ITPR1: variants seen among roughly 807,000 people sequenced by gnomAD.
ITPR1 encodes inositol 1,4,5-trisphosphate receptor type 1, also known as inositol 1,4,5-trisphosphate-gated calcium channel ITPR1.
A neutral mutation model predicts 318.4 loss-of-function variants in ITPR1; 96 were observed. That is an observed-to-expected ratio of 0.30 (90% confidence interval 0.26 to 0.36). ITPR1 has a LOEUF of 0.36. Ranked by LOEUF, ITPR1 falls within the 10% of genes least tolerant of loss-of-function variation. ITPR1 has a pLI of 1.00. For synonymous variants in ITPR1, 1,312 were observed against 1,289.9 expected (o/e 1.02, Z -0.37); for missense variants, 2,440 against 3,460.2 (o/e 0.71, Z 7.40).
At chr3:4,672,873 A>T (rs1405317887) in intron 20 of ITPR1, among the ~76,000 whole-genome samples, 1 of 152,210 alleles carries the variant, frequency 6.6e-6, no homozygotes, top group Non-Finnish European at 1.5e-5. Context: ...TTAGGTCGTC[A>T]CATAATTGCT....
chr3:4,723,471 GAATT>G lies in ITPR1; in HGVS notation c.5137-2068_5137-2065del, dbSNP rs746614606. 3.2e-4 allele frequency among the ~76,000 whole-genome samples: 49 copies of G among 152,162 alleles called. 1 individual carries two copies. The South Asian group carries it at 3.9e-3, about 12-fold the overall frequency. On this transcript the variant is annotated intron_variant, in intron 40 of 61. Transcript: ENST00000649015. ...AATTTAAATTTAATTTTTGTTTTAAGAATTAATTAAACTAATTTTAGAACAAGCA... is the reference window on the plus strand; with the variant it reads ...AATTTAAATTTAATTTTTGTTTTAAGAATTAAACTAATTTTAGAACAAGCA...
chr3:4,709,889 C>T (rs2041225145), intron 37 of ITPR1, among the ~76,000 whole-genome samples: 1 of 152,286 alleles, frequency 6.6e-6, no homozygotes, highest in Non-Finnish European at 1.5e-5. Flanking sequence ...TCCCACCACC[C>T]AGAGAAAACC....
intron 31 of ITPR1, among the ~76,000 whole-genome samples, chr3:4,689,872 A>G (rs192110876): frequency 5.8e-4 from 88 of 152,324 alleles, no homozygotes; most frequent in Non-Finnish European, 1.3e-4. Context: ...AGAGCATCCA[A>G]AGGGGAGGCA....
chr3:4,679,006 G>T (rs1307527987), intron 24 of ITPR1, among the ~76,000 whole-genome samples: 1 of 152,170 alleles, frequency 6.6e-6, no homozygotes, highest in Non-Finnish European at 1.5e-5. Flanking sequence ...GTGGTTAGGA[G>T]GCTGATTTGG....
intron 42 of ITPR1, among the ~76,000 whole-genome samples, chr3:4,730,451 T>C (rs2042849553): frequency 6.7e-6 from 1 of 150,240 alleles, no homozygotes; most frequent in Non-Finnish European, 1.5e-5. Context: ...TTCATGATAT[T>C]CTCTTATGGG....
At chr3:4,540,424 C>G (rs1009921585) in intron 4 of ITPR1, among the ~76,000 whole-genome samples, 4 of 152,234 alleles carry the variant, frequency 2.6e-5, no homozygotes, top group Non-Finnish European at 5.9e-5. Flanking sequence ...GAACTACTCT[C>G]TCTGACCATC....
intron 35 of ITPR1, among the ~76,000 whole-genome samples, chr3:4,701,082 G>A (rs1353226394): frequency 6.6e-6 from 1 of 152,192 alleles, no homozygotes; most frequent in Admixed American, 6.5e-5. Context: ...CAGATTGCCT[G>A]TTGCGTTTGG....
chr3:4,505,026 CCTGCTGGGTG>C (rs2081301797), intron 2 of ITPR1, among the ~76,000 whole-genome samples: 1 of 151,918 alleles, frequency 6.6e-6, no homozygotes, highest in Non-Finnish European at 1.5e-5. Flanking sequence ...GTTAACCTGC[CCTGCTGGGTG>C]CTGCTTGACC....
In ITPR1 at chr3:4,733,176, A is replaced by G. The variant is rs1412562454; in HGVS notation, c.5309A>G (p.Asn1770Ser). The G allele has an allele frequency of 9.3e-6, 15 of 1,614,038 alleles. No individual in the cohort carries two copies. The highest frequency in any genetic ancestry group is 1.1e-5 in the Non-Finnish European group (13 of 1,179,890). Reference protein sequence around the residue: ...GRRESLTSFGNGPLSAGGPGK... With the variant: ...GRRESLTSFGSGPLSAGGPGK... ...AGAGAGAGCCTTACCAGCTTTGGCAATGGCCCACTGTCAGCAGGAGGACCC... is the reference window on the plus strand; with the variant it reads ...AGAGAGAGCCTTACCAGCTTTGGCAGTGGCCCACTGTCAGCAGGAGGACCC... The change falls in exon 43 of 62, where the codon AAT (asparagine) becomes AGT (serine). Residue 1770 changes from asparagine to serine, a missense_variant. Physicochemically the swap from Asn to Ser is conservative, Grantham distance 46. Around this residue, in one of 23 missense-constraint regions of ITPR1, gnomAD observed 166 missense variants for 143.7 expected, o/e 1.16. Transcript: ENST00000649015.
intron 4 of ITPR1, among the ~76,000 whole-genome samples, chr3:4,614,109 C>T (rs2092286109): frequency 6.6e-6 from 1 of 152,104 alleles, no homozygotes; most frequent in Non-Finnish European, 1.5e-5. Context: ...GACTGTGATA[C>T]AAAAAAATTA....
intron 60 of ITPR1, among the ~76,000 whole-genome samples, chr3:4,832,835 G>T (rs112104259): frequency 6.6e-6 from 1 of 152,170 alleles, no homozygotes; most frequent in Non-Finnish European, 1.5e-5. Context: ...AGCACAAGAC[G>T]CAGGGCATCA....
chr3:4,777,518 G>A, intron 48 of ITPR1, 144 bp downstream of exon 48: 1 of 614,762 alleles, frequency 1.6e-6, no homozygotes, highest in South Asian at 1.9e-5. Flanking sequence ...TGCTAGTGCT[G>A]ACTACGATGC....
chr3:4,642,040 G>A (rs2093350928), intron 6 of ITPR1, 53 bp from the exon 7 acceptor site: 2 of 1,420,038 alleles, frequency 1.4e-6, no homozygotes, highest in African/African-American at 2.9e-5. Context: ...AGAAGGAATG[G>A]TAGAAAATTC....
rs76328124 is a variant in ITPR1, at chr3:4,721,456, A to G, written c.5136+4057A>G. 6.4e-3 allele frequency among the ~76,000 whole-genome samples: 970 copies of G among 152,182 alleles called. 11 individuals are homozygous for G. The highest frequency in any genetic ancestry group is 0.022 in the African/African-American group (918 of 41,494). On this transcript the variant is annotated intron_variant, in intron 40 of 61. Transcript: ENST00000649015. ...TCTACTGAAATGCTAGATAACTTCT[A>G]TTTTAGCTCAATTTTCTTTAAAGCT...
At chr3:4,659,459 T>G (rs555502340) in intron 13 of ITPR1, among the ~76,000 whole-genome samples, 4 of 152,062 alleles carry the variant, frequency 2.6e-5, no homozygotes, top group Non-Finnish European at 5.9e-5. Flanking sequence ...AGCAGACAGA[T>G]CACTTGATTG....
chr3:4,681,466 GAGCTCT>G, intron 26 of ITPR1, 48 bp downstream of exon 26: 1 of 1,231,718 alleles, frequency 8.1e-7, no homozygotes, highest in Non-Finnish European at 1.2e-6. Context: ...TGCTCTTCCA[GAGCTCT>G]CAGAGGCCTT....
chr3:4,498,923 G>C (rs2080811730), intron 2 of ITPR1, among the ~76,000 whole-genome samples: 1 of 152,198 alleles, frequency 6.6e-6, no homozygotes, highest in African/African-American at 2.4e-5. Flanking sequence ...TCACATCAGT[G>C]ATTCTCCTTA....
intron 23 of ITPR1, among the ~76,000 whole-genome samples, chr3:4,675,829 A>C (rs1318336888): frequency 1.3e-5 from 2 of 152,188 alleles, no homozygotes; most frequent in African/African-American, 4.8e-5. Context: ...AACAGAAAGA[A>C]ATACATTGAC....
At chr3:4,530,642 A>T (rs2083338276) in intron 4 of ITPR1, among the ~76,000 whole-genome samples, 1 of 152,132 alleles carries the variant, frequency 6.6e-6, no homozygotes, top group African/African-American at 2.4e-5. Flanking sequence ...TTAGCCAAGC[A>T]TGGTGGTGGT....
Sources: allele counts gnomAD v4.1 joint callset (sites outside exome capture counted in the v4.1 genomes callset), GRCh38; gene constraint gnomAD v4.1.1; regional missense constraint gnomAD v4.1.1; transcripts MANE v1.5; gene names NCBI Gene and HGNC (gene_info 2026-07-23, HGNC 2026-07-21).